Variants in SPTLC1 observed in about 807,000 individuals in gnomAD.
SPTLC1 encodes serine palmitoyltransferase 1.
Under a neutral mutation model 68.9 loss-of-function variants are expected in SPTLC1, and 55 were observed. The ratio of observed to expected loss-of-function variants is 0.80; its 90% confidence interval spans 0.64 to 1.00. The LOEUF is 1.00. Among genes scored for constraint, SPTLC1 ranks in the 50% least tolerant of loss-of-function variants. SPTLC1 has a pLI of 0.00. For synonymous variants in SPTLC1, 197 were observed against 201.6 expected, an observed-to-expected ratio of 0.98 and a Z score of 0.19; for missense variants, 449 against 573.1, an observed-to-expected ratio of 0.78 and a Z score of 2.21.
At chr9:92,033,139 T>C (rs556980042) in intron 14 of SPTLC1, among the ~76,000 whole-genome samples, 1 of 152,312 alleles carries the variant, frequency 6.6e-6, no homozygotes, top group East Asian at 1.9e-4. Flanking sequence ...ACCACACCAG[T>C]GCACACCCAG....
At chr9:92,094,233 T>C (rs1384504765) in intron 3 of SPTLC1, among the ~76,000 whole-genome samples, 2 of 152,218 alleles carry the variant, frequency 1.3e-5, no homozygotes, top group African/African-American at 4.8e-5. Context: ...AGACGGGTGA[T>C]AGAGAAGAGG....
intron 3 of SPTLC1, among the ~76,000 whole-genome samples, chr9:92,093,521 T>C (rs1835438421): frequency 6.6e-6 from 1 of 152,196 alleles, no homozygotes; most frequent in Non-Finnish European, 1.5e-5. Flanking sequence ...GCAGGTGATA[T>C]GATCACCTTA....
chr9:92,060,501 A>G (rs28804693), intron 6 of SPTLC1, among the ~76,000 whole-genome samples: 24,312 of 152,166 alleles, frequency 0.16, 2,820 homozygotes, highest in African/African-American at 0.33. Context: ...AGAGTCCTAC[A>G]GAGATATCAG....
chr9:92,080,989 G>T, intron 3 of SPTLC1, 26 bp from the exon 4 acceptor site: 1 of 1,533,300 alleles, frequency 6.5e-7, no homozygotes. Flanking sequence ...AGTGGTACAT[G>T]TCAATTACAC....
In SPTLC1 at chr9:92,045,537, A is replaced by C. The variant is rs1157255630; in HGVS notation, c.1136+462T>G. Among the ~76,000 whole-genome samples the C allele has an allele frequency of 2.8e-5, 4 of 143,462 alleles. No individual in the cohort carries two copies. The South Asian group carries it at 8.4e-4, about 30-fold the overall frequency. The allele number at this position is 143,462 out of a possible 152,430, so 94.1% of individuals were successfully genotyped here. ...ACTCTTGTGTAGTAAAAAAAAAAAAAAAAAAAAAAAAAAAACACTGATAAA... is the reference window on the plus strand; with the variant it reads ...ACTCTTGTGTAGTAAAAAAAAAAAACAAAAAAAAAAAAAAACACTGATAAA... On this transcript the variant is annotated intron_variant, in intron 12 of 14. Transcript: ENST00000262554.
At chr9:92,081,813 G>C (rs1011734777) in intron 3 of SPTLC1, among the ~76,000 whole-genome samples, 1 of 152,162 alleles carries the variant, frequency 6.6e-6, no homozygotes, top group African/African-American at 2.4e-5. Flanking sequence ...TCCATGTACT[G>C]GGTTGCTCTA....
At chr9:92,055,880 T>C (rs139861048) in intron 7 of SPTLC1, among the ~76,000 whole-genome samples, 1 of 152,304 alleles carries the variant, frequency 6.6e-6, no homozygotes, top group African/African-American at 2.4e-5. Flanking sequence ...CTGGTCAAAA[T>C]TGTATGGCTG....
At chr9:92,072,711 T>G (rs1197057196) in intron 5 of SPTLC1, among the ~76,000 whole-genome samples, 1 of 152,152 alleles carries the variant, frequency 6.6e-6, no homozygotes, top group East Asian at 1.9e-4. Flanking sequence ...ACAATGGCTC[T>G]CAGCGGACAG....
intron 4 of SPTLC1, among the ~76,000 whole-genome samples, 168 bp downstream of exon 4, chr9:92,080,702 C>A (rs1215139282): frequency 6.6e-6 from 1 of 152,132 alleles, no homozygotes; most frequent in African/African-American, 2.4e-5. Context: ...CCATGCCCTG[C>A]TAATTTTTGT....
chr9:92,086,143 C>T (rs934283868), intron 3 of SPTLC1, among the ~76,000 whole-genome samples: 12 of 151,874 alleles, frequency 7.9e-5, no homozygotes, highest in East Asian at 1.9e-4. Context: ...TGTCTCTGCA[C>T]GTGAGATGGG....
At chr9:92,074,813 C>T (rs781104006) in intron 5 of SPTLC1, among the ~76,000 whole-genome samples, 2 of 151,862 alleles carry the variant, frequency 1.3e-5, no homozygotes, top group African/African-American at 2.4e-5. Context: ...CCCTTATACT[C>T]TCCTATCCTC....
chr9:92,089,889 G>A (rs1835292246), intron 3 of SPTLC1, among the ~76,000 whole-genome samples: 2 of 152,212 alleles, frequency 1.3e-5, no homozygotes, highest in African/African-American at 4.8e-5. Context: ...GACTGACACA[G>A]TCTCCCCATA....
At position 92,041,462 on chromosome 9, in the gene SPTLC1, AATATAG is replaced by A. The variant is rs1025300150; in HGVS notation, c.1137-3103_1137-3098del. Among the ~76,000 whole-genome samples the A allele has an allele frequency of 8.8e-4, 134 of 152,348 alleles. 1 individual carries two copies. Among genetic ancestry groups the A allele is most frequent in the African/African-American group, 3.1e-3 (130 of 41,580 alleles). On this transcript the variant is annotated intron_variant, in intron 12 of 14. Transcript: ENST00000262554. ...ATTTACATAAATAAAAAGTTAAAAT[AATATAG>A]ATATATGAGAGATAATCAACAACTA...
At chr9:92,069,657 C>T (rs1456881044) in intron 5 of SPTLC1, among the ~76,000 whole-genome samples, 1 of 152,146 alleles carries the variant, frequency 6.6e-6, no homozygotes, top group Non-Finnish European at 1.5e-5. Context: ...GGTATGTCTT[C>T]CTTCTCATCC....
intron 4 of SPTLC1, among the ~76,000 whole-genome samples, chr9:92,080,538 A>AT (rs942955120): frequency 3.3e-5 from 5 of 152,014 alleles, no homozygotes; most frequent in East Asian, 1.9e-4. Flanking sequence ...CAATACTATG[A>AT]TTTTTTTTCT....
intron 7 of SPTLC1, among the ~76,000 whole-genome samples, chr9:92,055,898 G>A (rs548403342): frequency 1.3e-5 from 2 of 152,312 alleles, no homozygotes; most frequent in South Asian, 4.1e-4. Context: ...CTGCATTCAT[G>A]TGATTCAATG....
At chr9:92,067,877 G>A (rs1834349070) in intron 6 of SPTLC1, 89 bp downstream of exon 6, 1 of 1,455,692 alleles carries the variant, frequency 6.9e-7, no homozygotes, top group South Asian at 1.2e-5. Context: ...ATTATTTTAT[G>A]CAGATAACTT....
At chr9:92,032,829 T>A (rs1480603149) in intron 14 of SPTLC1, among the ~76,000 whole-genome samples, 1 of 148,958 alleles carries the variant, frequency 6.7e-6, no homozygotes, top group Non-Finnish European at 1.5e-5. Context: ...TGAGCCGAGA[T>A]CGCGCCATTG....
intron 5 of SPTLC1, among the ~76,000 whole-genome samples, chr9:92,078,830 C>A: frequency 6.6e-6 from 1 of 152,298 alleles, no homozygotes; most frequent in East Asian, 1.9e-4. Context: ...CACTACTTCT[C>A]CTTATCTGTT....
Sources: gnomAD v4.1 joint callset for allele counts (sites outside exome capture counted in the v4.1 genomes callset) on GRCh38, gnomAD v4.1.1 for gene constraint, MANE v1.5 for transcripts, NCBI Gene and HGNC (gene_info 2026-07-23, HGNC 2026-07-21) for gene names.